The following SPAG17 variants were observed in gnomAD, a reference collection of about 807,000 sequenced individuals.
SPAG17 encodes the protein sperm-associated antigen 17.
Under a neutral mutation model 273.6 loss-of-function variants are expected in SPAG17, and 169 were observed. That is an observed-to-expected ratio of 0.62 (90% CI 0.55 to 0.70). The LOEUF (loss-of-function observed/expected upper bound fraction) is 0.70, where lower values mean the gene tolerates loss of function less well. SPAG17 is among the 30% of genes least tolerant of loss of function. The probability of loss-of-function intolerance (pLI) is 0.00; values close to 1 mark genes in which losing one functional copy is unlikely to be tolerated. For synonymous variants in SPAG17, 825 were observed against 873.2 expected (o/e 0.94, Z 0.97); for missense variants, 2,557 against 2,627.8 (o/e 0.97, Z 0.59).
At position 117,966,773 on chromosome 1, in the gene SPAG17, T is replaced by C. The variant is rs1653906529; in HGVS notation, c.6388-20A>G. ...TGCCACCTATAAGACACAAGGTAGCTTTAGGACCAGACAACTCTGAGTTCA... is the reference window on the plus strand; with the variant it reads ...TGCCACCTATAAGACACAAGGTAGCCTTAGGACCAGACAACTCTGAGTTCA... On this transcript the variant is annotated intron_variant, in intron 46 of 48. Coordinates refer to ENST00000336338, the MANE Select transcript of SPAG17 (RefSeq NM_206996.4). The C allele has an allele frequency of 6.3e-7, 1 of 1,587,656 alleles. No individual in the cohort carries two copies.
Position 118,073,800 on chromosome 1 carries a change from C to A in SPAG17, c.2385+54G>T, listed in dbSNP as rs548949870. 5.8e-5 allele frequency: 69 copies of A among 1,190,700 alleles called. No homozygotes were observed. The African/African-American group carries it at 1.0e-3, about 18-fold the overall frequency. 73.8% of individuals were successfully genotyped at this position (1,190,700 alleles called of 1,614,324 possible). A position where few individuals can be genotyped will look rare whatever the true frequency, so the allele number is the denominator to read the frequency against. ...GGAGGTGAACTGTTCTAAATCACAG[C>A]AGACTCTCCAGACCTATCTGACCGT... On this transcript the variant is annotated intron_variant, in intron 17 of 48. Transcript: ENST00000336338.
intron 25 of SPAG17, among the ~76,000 whole-genome samples, chr1:118,029,384 T>A (rs1047590129): frequency 3.9e-5 from 6 of 152,198 alleles, no homozygotes; most frequent in African/African-American, 1.4e-4. Flanking sequence ...GTATTTTTTT[T>A]ATAGCAGTCC....
chr1:118,059,036 CTG>C (rs1406245972), intron 18 of SPAG17, among the ~76,000 whole-genome samples: 1 of 152,140 alleles, frequency 6.6e-6, no homozygotes, highest in Admixed American at 6.5e-5. Context: ...TGAGAATACT[CTG>C]TTTAATTTTA....
chr1:118,019,056 C>T (rs940928080), intron 28 of SPAG17, among the ~76,000 whole-genome samples: 3 of 138,774 alleles, frequency 2.2e-5, no homozygotes, highest in East Asian at 2.0e-4. Context: ...AAAAAATGCA[C>T]TTTTATACCA....
At chr1:118,179,411 CCT>C (rs1380708697) in intron 1 of SPAG17, among the ~76,000 whole-genome samples, 3 of 151,984 alleles carry the variant, frequency 2.0e-5, no homozygotes, top group African/African-American at 4.8e-5. Context: ...AAACTAGACC[CCT>C]GTCTCTCTCC....
At chr1:118,060,303 A>C (rs1484386615) in intron 18 of SPAG17, among the ~76,000 whole-genome samples, 1 of 151,910 alleles carries the variant, frequency 6.6e-6, no homozygotes, top group African/African-American at 2.4e-5. Context: ...TATTTGTAGA[A>C]GTTTTTTTTT....
intron 3 of SPAG17, among the ~76,000 whole-genome samples, chr1:118,134,019 T>C (rs1658203154): frequency 6.6e-6 from 1 of 152,232 alleles, no homozygotes; most frequent in African/African-American, 2.4e-5. Context: ...AATAAAAGGT[T>C]GAAGAGGGCA....
rs775394079 is a variant in SPAG17 at position 117,996,744 on chromosome 1, C to T, written c.4777-1G>A. 1 of 1,599,680 alleles carries T rather than the reference C, an allele frequency of 6.3e-7. No homozygotes were observed. The highest frequency in any genetic ancestry group is 1.1e-5 in the South Asian group (1 of 87,552). On this transcript the variant is annotated splice_acceptor_variant, in intron 32 of 48. Transcript: ENST00000336338. LOFTEE classifies it high-confidence loss of function. ...TTGATATGCTACCATCAGCCATGAC[C>T]TAAGGGATAAAGTATGTAAGCAACT...
chr1:118,043,187 A>G (rs1475473457), intron 20 of SPAG17, among the ~76,000 whole-genome samples: 1 of 152,214 alleles, frequency 6.6e-6, no homozygotes. Context: ...GTGAGTTTGA[A>G]AGACTTCCTG....
intron 1 of SPAG17, among the ~76,000 whole-genome samples, chr1:118,156,351 G>A (rs1659649769): frequency 6.6e-6 from 1 of 152,172 alleles, no homozygotes; most frequent in African/African-American, 2.4e-5. Flanking sequence ...ATATTTCAAA[G>A]CAACAGGGAG....
At chr1:118,162,030 C>T (rs1047576487) in intron 1 of SPAG17, among the ~76,000 whole-genome samples, 3 of 152,028 alleles carry the variant, frequency 2.0e-5, no homozygotes, top group Non-Finnish European at 4.4e-5. Flanking sequence ...TCCTACACAC[C>T]CTCATAATTC....
intron 48 of SPAG17, chr1:117,958,854 G>C: frequency 7.4e-7 from 1 of 1,342,826 alleles, no homozygotes; most frequent in Non-Finnish European, 1.0e-6. Context: ...TTTCTAGAAG[G>C]GTTAAGTAGG....
chr1:118,166,677 CT>C (rs1487198221), intron 1 of SPAG17, among the ~76,000 whole-genome samples: 2 of 152,034 alleles, frequency 1.3e-5, no homozygotes, highest in African/African-American at 4.8e-5. Flanking sequence ...AACCATTTTT[CT>C]TGGTAATCAA....
intron 3 of SPAG17, among the ~76,000 whole-genome samples, 173 bp from the exon 4 acceptor site, chr1:118,115,614 G>A (rs1487684457): frequency 1.3e-5 from 2 of 151,912 alleles, no homozygotes; most frequent in South Asian, 4.1e-4. Flanking sequence ...CTACAGAGAG[G>A]GGCATTTACC....
chr1:118,120,545 C>T (rs975546873), intron 3 of SPAG17, among the ~76,000 whole-genome samples: 3 of 152,172 alleles, frequency 2.0e-5, no homozygotes, highest in African/African-American at 2.4e-5. Context: ...GAGATGCTTA[C>T]ATACATGTAT....
At chr1:118,014,054 G>A (rs1390972299) in intron 29 of SPAG17, among the ~76,000 whole-genome samples, 2 of 152,224 alleles carry the variant, frequency 1.3e-5, no homozygotes, top group Non-Finnish European at 2.9e-5. Context: ...TCATATGCCA[G>A]TTTCTTGAGA....
intron 1 of SPAG17, 63 bp downstream of exon 1, chr1:118,185,008 A>G: frequency 2.1e-6 from 3 of 1,403,328 alleles, no homozygotes; most frequent in South Asian, 1.2e-5. Flanking sequence ...GTCGCCTAGG[A>G]GGGTCTGGCC....
intron 15 of SPAG17, among the ~76,000 whole-genome samples, chr1:118,077,474 A>AT (rs1357555925): frequency 1.3e-5 from 2 of 152,150 alleles, no homozygotes; most frequent in African/African-American, 2.4e-5. Flanking sequence ...CAGCACACCA[A>AT]TTTATGTAGT....
Position 118,055,103 on chromosome 1 carries a change from C to T in SPAG17, c.2722+630G>A, listed in dbSNP as rs1353261950. 2.0e-5 allele frequency among the ~76,000 whole-genome samples: 3 copies of T among 152,084 alleles called. No individual in the cohort carries two copies. The South Asian group carries it at 6.2e-4, about 32-fold the overall frequency. On this transcript the variant is annotated intron_variant, in intron 19 of 48. Transcript: ENST00000336338. The stretch of plus-strand genomic sequence containing the variant: ...AGTATCTTTCTAAAAGTCTATTTTA[C>T]TCTCTTTGTCACCATCTTCCCCTTC...
Sources: gnomAD v4.1 joint callset for allele counts (sites outside exome capture counted in the v4.1 genomes callset) on GRCh38, gnomAD v4.1.1 for gene constraint, MANE v1.5 for transcripts, NCBI Gene and HGNC (gene_info 2026-07-23, HGNC 2026-07-21) for gene names.